SOX5: variants seen among roughly 807,000 people sequenced by gnomAD.
SOX5 encodes the protein transcription factor SOX-5.
A neutral mutation model predicts 92.0 loss-of-function variants in SOX5; 9 were observed. That is an observed-to-expected ratio of 0.10 (90% CI 0.06 to 0.17). SOX5 has a LOEUF of 0.17. Ranked by LOEUF, SOX5 falls within the 10% of genes least tolerant of loss-of-function variation. The pLI is 1.00. For missense variants in SOX5, 642 were observed against 944.5 expected (o/e 0.68, Z 4.20); for synonymous variants, 344 against 336.3 (o/e 1.02, Z -0.25).
At chr12:24,139,718 A>T (rs1032824299) in intron 4 of SOX5, among the ~76,000 whole-genome samples, 3 of 152,168 alleles carry the variant, frequency 2.0e-5, no homozygotes, top group Non-Finnish European at 4.4e-5. Context: ...CCATATTTAA[A>T]AATTGGAGCA....
intron 3 of SOX5, among the ~76,000 whole-genome samples, chr12:23,799,006 A>G (rs190583104): frequency 1.9e-4 from 29 of 152,100 alleles, no homozygotes; most frequent in African/African-American, 6.7e-4. Flanking sequence ...TTGTCATCGT[A>G]CTATAATTGG....
intron 3 of SOX5, among the ~76,000 whole-genome samples, chr12:23,785,282 T>C (rs372561984): frequency 1.2e-4 from 19 of 152,276 alleles, no homozygotes; most frequent in Middle Eastern, 3.4e-3. Flanking sequence ...AAATTAGTCT[T>C]GAGAAGTTGT....
At chr12:23,536,836 G>T (rs368675011) in intron 13 of SOX5, among the ~76,000 whole-genome samples, 167 bp from the exon 14 acceptor site, 59 of 152,076 alleles carry the variant, frequency 3.9e-4, no homozygotes, top group African/African-American at 1.2e-3. Flanking sequence ...GGTGGTGGTG[G>T]TTTTGTACCT....
intron 1 of SOX5, among the ~76,000 whole-genome samples, chr12:24,378,271 C>A (rs1375718188): frequency 6.6e-6 from 1 of 152,170 alleles, no homozygotes; most frequent in Non-Finnish European, 1.5e-5. Flanking sequence ...AAAGGAGATT[C>A]CATATATTAA....
At chr12:24,281,218 G>T (rs1945149056) in intron 2 of SOX5, among the ~76,000 whole-genome samples, 2 of 133,666 alleles carry the variant, frequency 1.5e-5, no homozygotes, top group South Asian at 2.4e-4. Context: ...AATCTATACG[G>T]TTATAAAATT....
intron 1 of SOX5, among the ~76,000 whole-genome samples, chr12:24,535,890 G>T (rs1165417207): frequency 7.1e-6 from 1 of 140,038 alleles, no homozygotes; most frequent in African/African-American, 2.7e-5. Context: ...TGCTTCCCCC[G>T]CCCCACCACC....
chr12:24,140,228 A>T (rs1465448915), intron 4 of SOX5, among the ~76,000 whole-genome samples: 1 of 152,158 alleles, frequency 6.6e-6, no homozygotes, highest in African/African-American at 2.4e-5. Context: ...CGTCAAAGAT[A>T]GGAAGCTATG....
At chr12:24,385,690 C>T (rs933234767) in intron 1 of SOX5, among the ~76,000 whole-genome samples, 2 of 151,962 alleles carry the variant, frequency 1.3e-5, no homozygotes, top group African/African-American at 4.8e-5. Context: ...GGCATGGTGG[C>T]TCATGCCTAG....
intron 6 of SOX5, among the ~76,000 whole-genome samples, chr12:23,674,309 CTAAA>C (rs1315532901): frequency 1.4e-5 from 2 of 143,246 alleles, no homozygotes; most frequent in African/African-American, 5.3e-5. Flanking sequence ...AAATTAATTC[CTAAA>C]TATTTTCTTA....
intron 8 of SOX5, among the ~76,000 whole-genome samples, chr12:23,608,196 T>C (rs371823446): frequency 6.3e-4 from 95 of 150,362 alleles, no homozygotes; most frequent in African/African-American, 2.1e-3. Context: ...TCACAGTATC[T>C]TAGCCTCGCA....
At chr12:23,867,958 T>C (rs118050912) in intron 2 of SOX5, among the ~76,000 whole-genome samples, 2,536 of 152,088 alleles carry the variant, frequency 0.017, 33 homozygotes, top group Non-Finnish European at 0.027. Context: ...AAAAAAAAAT[T>C]TAAGGATGTG....
chr12:23,680,694 C>G (rs982070821), intron 6 of SOX5, among the ~76,000 whole-genome samples: 1 of 151,894 alleles, frequency 6.6e-6, no homozygotes, highest in Admixed American at 6.6e-5. Context: ...AGGAAAAGGT[C>G]AGTCAATACT....
rs140490032 is a variant in SOX5 at position 23,784,527 on chromosome 12, C to T, written c.482-28803G>A. Among the ~76,000 whole-genome samples, 1,272 of 152,150 alleles carry T rather than the reference C, an allele frequency of 8.4e-3. 9 individuals carry two copies. Among genetic ancestry groups the T allele is most frequent in the Middle Eastern group, 0.027 (8 of 294 alleles). ...ATTTTTAGTAGAGACAGGGTCTCACCGTGTTAGCCAGGATGGTCTCGATCT... is the reference window on the plus strand; with the variant it reads ...ATTTTTAGTAGAGACAGGGTCTCACTGTGTTAGCCAGGATGGTCTCGATCT... On this transcript the variant is annotated intron_variant, in intron 3 of 14. Transcript: ENST00000451604.
chr12:24,307,447 TGGAAA>T (rs1565873594), intron 2 of SOX5, among the ~76,000 whole-genome samples: 1 of 143,120 alleles, frequency 7.0e-6, no homozygotes, highest in African/African-American at 2.6e-5. Context: ...ACTGTATAGC[TGGAAA>T]GGAAGGAAGG....
At chr12:23,725,483 T>C (rs1425790473) in intron 6 of SOX5, among the ~76,000 whole-genome samples, 1 of 152,146 alleles carries the variant, frequency 6.6e-6, no homozygotes, top group Admixed American at 6.5e-5. Context: ...ACCCCCATGA[T>C]TCAATGACCT....
chr12:24,359,647 G>T (rs1351053883), intron 2 of SOX5, among the ~76,000 whole-genome samples: 1 of 152,186 alleles, frequency 6.6e-6, no homozygotes, highest in Non-Finnish European at 1.5e-5. Flanking sequence ...CTGGTTTTAA[G>T]AAGTCAACAG....
At chr12:24,382,794 CAA>C (rs10608234) in intron 1 of SOX5, among the ~76,000 whole-genome samples, 40,174 of 151,684 alleles carry the variant, frequency 0.26, 5,817 homozygotes, top group East Asian at 0.46. Flanking sequence ...ACAGTAAAAG[CAA>C]AAGAGAGGAG....
chr12:24,433,585 A>G (rs1483770680), intron 1 of SOX5, among the ~76,000 whole-genome samples: 7 of 152,200 alleles, frequency 4.6e-5, no homozygotes, highest in African/African-American at 1.7e-4. Flanking sequence ...GAGGGGGAAA[A>G]AATCACAGCA....
At chr12:23,553,907 G>T (rs1013212951) in intron 11 of SOX5, among the ~76,000 whole-genome samples, 3 of 151,964 alleles carry the variant, frequency 2.0e-5, no homozygotes, top group Non-Finnish European at 4.4e-5. Flanking sequence ...TATAAAACTG[G>T]CAGGATTCTT....
Sources: gnomAD v4.1 joint callset for allele counts (sites outside exome capture counted in the v4.1 genomes callset) on GRCh38, gnomAD v4.1.1 for gene constraint, MANE v1.5 for transcripts, NCBI Gene and HGNC (gene_info 2026-07-23, HGNC 2026-07-21) for gene names.